WDPCP: variants seen among roughly 807,000 people sequenced by gnomAD.
WDPCP encodes the protein WD repeat-containing and planar cell polarity effector protein fritz homolog.
A neutral mutation model predicts 93.1 loss-of-function variants in WDPCP; 71 were observed. That is an observed-to-expected ratio of 0.76 (90% CI 0.63 to 0.93). The LOEUF is 0.93. Among genes scored for constraint, WDPCP ranks in the 40% least tolerant of loss-of-function variants. The probability of loss-of-function intolerance (pLI) is 0.00; values close to 1 mark genes in which losing one functional copy is unlikely to be tolerated. For missense variants in WDPCP, 844 were observed against 887.4 expected (o/e 0.95, Z 0.62); for synonymous variants, 315 against 315.0 (o/e 1.00, Z 0.00).
At chr2:63,533,105 G>C (rs1271186293) in intron 1 of WDPCP, among the ~76,000 whole-genome samples, 2 of 151,952 alleles carry the variant, frequency 1.3e-5, no homozygotes, top group Non-Finnish European at 2.9e-5. Flanking sequence ...GATCAAAAGA[G>C]ACAAAGAAGG....
intron 2 of WDPCP, among the ~76,000 whole-genome samples, chr2:63,666,280 T>A (rs904308594): frequency 1.3e-5 from 2 of 152,202 alleles, no homozygotes; most frequent in Non-Finnish European, 2.9e-5. Context: ...AGAGCTCAAA[T>A]AGAGCAAATT....
intron 1 of WDPCP, among the ~76,000 whole-genome samples, chr2:63,529,421 T>C (rs1352408931): frequency 6.6e-6 from 1 of 152,226 alleles, no homozygotes; most frequent in Non-Finnish European, 1.5e-5. Flanking sequence ...GTTTTTAGCA[T>C]GAAGCGCTGT....
intron 2 of WDPCP, among the ~76,000 whole-genome samples, chr2:63,661,027 A>C (rs1710220506): frequency 6.6e-6 from 1 of 152,176 alleles, no homozygotes; most frequent in Non-Finnish European, 1.5e-5. Flanking sequence ...CATAGCACTT[A>C]CTTAACATCA....
At chr2:63,698,718 G>A (rs891785974) in intron 2 of WDPCP, among the ~76,000 whole-genome samples, 6 of 152,138 alleles carry the variant, frequency 3.9e-5, no homozygotes, top group African/African-American at 1.2e-4. Flanking sequence ...TTATCTTCTC[G>A]TGGCCACAGA....
chr2:63,546,174 TG>T (rs1397867427), intron 1 of WDPCP, among the ~76,000 whole-genome samples: 1 of 152,032 alleles, frequency 6.6e-6, no homozygotes, highest in Non-Finnish European at 1.5e-5. Context: ...ATCAGCAAAA[TG>T]GAGAAATGGG....
chr2:63,328,176 C>G (rs1442582971), intron 12 of WDPCP, among the ~76,000 whole-genome samples: 1 of 122,446 alleles, frequency 8.2e-6, no homozygotes, highest in Non-Finnish European at 1.7e-5. Context: ...TGTAAACACC[C>G]CAATAAGCAC....
At chr2:63,626,694 G>T (rs1178856671) in intron 3 of WDPCP, among the ~76,000 whole-genome samples, 1 of 152,192 alleles carries the variant, frequency 6.6e-6, no homozygotes, top group African/African-American at 2.4e-5. Context: ...TGGAGAGGAT[G>T]TGGAGAAACA....
chr2:63,311,892 GC>G (rs1221851039), intron 13 of WDPCP, among the ~76,000 whole-genome samples: 8 of 152,092 alleles, frequency 5.3e-5, no homozygotes, highest in African/African-American at 1.9e-4. Context: ...TCTTATCTTG[GC>G]TAGAAAAAAG....
At chr2:63,333,352 T>C (rs185736192) in intron 12 of WDPCP, among the ~76,000 whole-genome samples, 21 of 152,376 alleles carry the variant, frequency 1.4e-4, no homozygotes, top group African/African-American at 4.6e-4. Flanking sequence ...AAGTCTCTTG[T>C]GGGAAAAATT....
At chr2:63,547,600 G>T (rs1705247847) in intron 1 of WDPCP, among the ~76,000 whole-genome samples, 1 of 151,208 alleles carries the variant, frequency 6.6e-6, no homozygotes, top group Non-Finnish European at 1.5e-5. Flanking sequence ...CACACACACT[G>T]AAATATTATT....
At chr2:63,715,494 G>C (rs1669324880) in intron 2 of WDPCP, among the ~76,000 whole-genome samples, 1 of 152,130 alleles carries the variant, frequency 6.6e-6, no homozygotes, top group African/African-American at 2.4e-5. Context: ...ATAAAGAGAA[G>C]CCTGACAGTT....
At position 63,519,845 on chromosome 2, in the gene WDPCP, A is replaced by T. The variant is rs563246226; in HGVS notation, c.76-26905T>A. Reference sequence around the variant, plus strand: ...AACAGTGTCTTCTTACCTCCAAATCATCATACTAGTTCCCCAGCAATGGTT... The same window carrying T: ...AACAGTGTCTTCTTACCTCCAAATCTTCATACTAGTTCCCCAGCAATGGTT... On this transcript the variant is annotated intron_variant, in intron 1 of 17. Coordinates refer to ENST00000272321, the MANE Select transcript of WDPCP (RefSeq NM_015910.7). Among the ~76,000 whole-genome samples, 23 of 152,354 alleles carry T rather than the reference A, an allele frequency of 1.5e-4. No homozygotes were observed. The South Asian group carries it at 4.3e-3, about 29-fold the overall frequency.
chr2:63,661,498 G>A (rs1710226050), intron 2 of WDPCP, among the ~76,000 whole-genome samples: 4 of 152,126 alleles, frequency 2.6e-5, no homozygotes, highest in Admixed American at 1.3e-4. Context: ...GGCAAAAAGT[G>A]GGACTTAATA....
rs148028964 is a variant in WDPCP at position 63,818,979 on chromosome 2, T to C, written n.223-5272A>G. Among the ~76,000 whole-genome samples, 317 of 152,288 alleles carry C rather than the reference T, an allele frequency of 2.1e-3. 2 individuals are homozygous for C. The highest frequency in any genetic ancestry group is 7.3e-3 in the African/African-American group (303 of 41,560). ...ACATAAATACAAACGTCTCTTGATA[T>C]ATATTTACTATAAATAGATGTATAC... On this transcript the variant is annotated intron_variant and non_coding_transcript_variant, in intron 1 of 4. Coordinates refer to the WDPCP transcript ENST00000467687.
intron 1 of WDPCP, among the ~76,000 whole-genome samples, chr2:63,548,744 C>A (rs188066010): frequency 6.6e-6 from 1 of 152,002 alleles, no homozygotes; most frequent in East Asian, 1.9e-4. Context: ...ATCTTCCAGC[C>A]TCAGCATCCT....
chr2:63,574,950 A>C (rs1357420098), intron 1 of WDPCP, among the ~76,000 whole-genome samples: 1 of 152,202 alleles, frequency 6.6e-6, no homozygotes, highest in Non-Finnish European at 1.5e-5. Context: ...TAATATCATT[A>C]TTGAGTTAAA....
chr2:63,505,697 C>A, intron 1 of WDPCP, among the ~76,000 whole-genome samples: 1 of 151,986 alleles, frequency 6.6e-6, no homozygotes, highest in Non-Finnish European at 1.5e-5. Context: ...AATAATGAGT[C>A]TGATCTCAAA....
chr2:63,607,104 T>TA, intron 3 of WDPCP: 1 of 1,045,534 alleles, frequency 9.6e-7, no homozygotes, highest in East Asian at 2.7e-5. Flanking sequence ...CAACACATTT[T>TA]AAAGATTACG....
the WDPCP span, among the ~76,000 whole-genome samples, chr2:63,838,096 A>G: frequency 6.6e-6 from 1 of 151,902 alleles, no homozygotes; most frequent in Non-Finnish European, 1.5e-5. Context: ...CTCTATCTCA[A>G]AGAAAAAAAA....
Sources: allele counts gnomAD v4.1 joint callset (sites outside exome capture counted in the v4.1 genomes callset), GRCh38; gene constraint gnomAD v4.1.1; transcripts MANE v1.5; gene names NCBI Gene and HGNC (gene_info 2026-07-23, HGNC 2026-07-21).